Variants in ST7 observed in about 807,000 individuals in gnomAD.
ST7 encodes suppressor of tumorigenicity 7 protein.
A neutral mutation model predicts 78.7 loss-of-function variants in ST7; 28 were observed. That is an observed-to-expected ratio of 0.36 (90% confidence interval 0.26 to 0.49). The LOEUF is 0.49. Among genes scored for constraint, ST7 ranks in the 20% least tolerant of loss-of-function variants. ST7 has a pLI of 0.99. For missense variants in ST7, 418 were observed against 696.0 expected (o/e 0.60, Z 4.49); for synonymous variants, 247 against 249.6 (o/e 0.99, Z 0.10).
chr7:117,036,128 C>T (rs921412777), intron 1 of ST7, among the ~76,000 whole-genome samples: 1 of 152,118 alleles, frequency 6.6e-6, no homozygotes, highest in East Asian at 1.9e-4. Flanking sequence ...ATAAATCTCC[C>T]GAATTGTTTG....
intron 1 of ST7, chr7:117,020,742 T>A: frequency 6.9e-7 from 1 of 1,453,964 alleles, no homozygotes. Flanking sequence ...CTTTGTATTT[T>A]GGCTCTAATT....
chr7:117,055,405 T>C (rs1798010590), intron 1 of ST7, among the ~76,000 whole-genome samples: 2 of 152,156 alleles, frequency 1.3e-5, no homozygotes, highest in Admixed American at 1.3e-4. Flanking sequence ...GGTTTCGCCT[T>C]GTTAGCCAGG....
chr7:117,177,984 A>G (rs766048373), intron 10 of ST7, among the ~76,000 whole-genome samples: 1 of 152,160 alleles, frequency 6.6e-6, no homozygotes, highest in Non-Finnish European at 1.5e-5. Context: ...TGCTTTTTAA[A>G]TTTCTTTTCC....
intron 12 of ST7, among the ~76,000 whole-genome samples, chr7:117,209,195 C>T (rs567204900): frequency 6.6e-6 from 1 of 152,264 alleles, no homozygotes; most frequent in East Asian, 1.9e-4. Flanking sequence ...ACTCCCTAGT[C>T]TTCGGGAAAG....
chr7:116,972,941 G>A lies in ST7; in HGVS notation c.151+19250G>A, dbSNP rs997000922. ...CCCACTCAGCTACTGCTCGCACTCC[G>A]ATTCCTGCCTCCTCTGCTTGGTGTT... is the stretch of plus-strand genomic sequence containing the variant. On this transcript the variant is annotated intron_variant, in intron 1 of 15. Transcript: ENST00000323984. 8.7e-5 allele frequency: 105 copies of A among 1,207,214 alleles called. No individual in the cohort carries two copies. In the African/African-American group the frequency reaches 1.1e-3, roughly 12 times the overall value. 74.8% of individuals were successfully genotyped at this position (1,207,214 alleles called of 1,614,324 possible).
chr7:117,212,843 T>G (rs1792400890), intron 13 of ST7, among the ~76,000 whole-genome samples: 1 of 152,164 alleles, frequency 6.6e-6, no homozygotes, highest in Non-Finnish European at 1.5e-5. Context: ...GCTGTAAATA[T>G]CATGCAATTT....
At chr7:117,176,579 A>T (rs1437712997) in intron 10 of ST7, among the ~76,000 whole-genome samples, 2 of 152,218 alleles carry the variant, frequency 1.3e-5, no homozygotes, top group African/African-American at 4.8e-5. Flanking sequence ...CCAAGGCCTT[A>T]TAACTAGCAC....
At position 117,086,899 on chromosome 7, in the gene ST7, G is replaced by C. The variant is rs570215230; in HGVS notation, c.152-12863G>C. Reference sequence around the variant, plus strand: ...TGGAATTGAAAATAATAAAGCCAAGGGCTTATTTTGGACAACCATGCAGCT... The same window carrying C: ...TGGAATTGAAAATAATAAAGCCAAGCGCTTATTTTGGACAACCATGCAGCT... On this transcript the variant is annotated intron_variant, in intron 1 of 15. Transcript: ENST00000323984. 2.6e-5 allele frequency among the ~76,000 whole-genome samples: 4 copies of C among 152,210 alleles called. No individual in the cohort carries two copies. The Middle Eastern group carries it at 0.01, about 388-fold the overall frequency.
chr7:117,220,793 C>T (rs2116166365), intron 14 of ST7, among the ~76,000 whole-genome samples: 1 of 152,298 alleles, frequency 6.6e-6, no homozygotes, highest in Non-Finnish European at 1.5e-5. Flanking sequence ...CACACTTGTT[C>T]CGTGTGTTTG....
intron 1 of ST7, among the ~76,000 whole-genome samples, chr7:116,994,389 G>T (rs182393551): frequency 2.6e-5 from 4 of 152,280 alleles, no homozygotes; most frequent in African/African-American, 9.6e-5. Flanking sequence ...CACTCTCTGA[G>T]ATTCAAAGAC....
At chr7:117,022,909 A>G (rs1399870267) in intron 1 of ST7, 1 of 152,118 alleles carries the variant, frequency 6.6e-6, no homozygotes, top group Non-Finnish European at 1.5e-5. Context: ...ATAGAACTCT[A>G]CTCAGCTCAA....
intron 1 of ST7, among the ~76,000 whole-genome samples, chr7:116,989,899 A>ATG (rs956592802): frequency 6.6e-6 from 1 of 151,942 alleles, no homozygotes; most frequent in African/African-American, 2.4e-5. Context: ...AACCATATGT[A>ATG]TGTGTGTGTG....
intron 1 of ST7, chr7:116,955,075 C>T (rs1405139243): frequency 4.3e-6 from 2 of 469,634 alleles, no homozygotes; most frequent in Admixed American, 2.4e-5. Flanking sequence ...AGTCTGTCAT[C>T]GGAAAGACCA....
chr7:117,175,260 A>G (rs1670317775), intron 10 of ST7, among the ~76,000 whole-genome samples: 3 of 152,236 alleles, frequency 2.0e-5, no homozygotes, highest in Admixed American at 2.0e-4. Flanking sequence ...TCATTAAGTC[A>G]TGAGAACCTT....
At chr7:117,066,164 A>G (rs1403918198) in intron 1 of ST7, among the ~76,000 whole-genome samples, 1 of 152,238 alleles carries the variant, frequency 6.6e-6, no homozygotes, top group African/African-American at 2.4e-5. Context: ...TTTAGAAATA[A>G]CATTTAGCAA....
intron 1 of ST7, among the ~76,000 whole-genome samples, chr7:117,009,917 C>T (rs116576725): frequency 6.0e-4 from 92 of 152,208 alleles, no homozygotes; most frequent in African/African-American, 2.0e-3. Context: ...CACTGAGAAC[C>T]GGGGATCCTG....
chr7:117,141,540 A>G (rs1805295061), intron 9 of ST7, among the ~76,000 whole-genome samples: 1 of 152,226 alleles, frequency 6.6e-6, no homozygotes, highest in Non-Finnish European at 1.5e-5. Flanking sequence ...TTTTCAAAAA[A>G]ACTCATTTTA....
At chr7:117,124,219 G>A (rs749831108) in intron 3 of ST7, among the ~76,000 whole-genome samples, 2 of 152,032 alleles carry the variant, frequency 1.3e-5, no homozygotes, top group Non-Finnish European at 2.9e-5. Flanking sequence ...TAATTTTATC[G>A]ATAAGAAGCC....
chr7:117,106,159 G>C lies in ST7; in HGVS notation c.234+6315G>C, dbSNP rs563472747. On this transcript the variant is annotated intron_variant, in intron 2 of 15. Coordinates refer to ENST00000323984, the MANE Select transcript of ST7 (RefSeq NM_001369598.1). ...GACTACAGGCGCCTGCCACCGCGCCGGGCTAATTTTTTGTATTTTTAGTAG... is the reference window on the plus strand; with the variant it reads ...GACTACAGGCGCCTGCCACCGCGCCCGGCTAATTTTTTGTATTTTTAGTAG... 2.6e-3 allele frequency among the ~76,000 whole-genome samples: 394 copies of C among 151,894 alleles called. 1 individual carries two copies. Among genetic ancestry groups the C allele is most frequent in the African/African-American group, 8.6e-3 (358 of 41,470 alleles).
Sources: gnomAD v4.1 joint callset for allele counts (sites outside exome capture counted in the v4.1 genomes callset) on GRCh38, gnomAD v4.1.1 for gene constraint, MANE v1.5 for transcripts, NCBI Gene and HGNC (gene_info 2026-07-23, HGNC 2026-07-21) for gene names.